The following NCAM1 variants were observed in gnomAD, a reference collection of about 807,000 sequenced individuals.
The protein encoded by NCAM1 is neural cell adhesion molecule 1.
NCAM1 carries 14 observed loss-of-function variants against 109.8 expected under a neutral mutation model. That is an observed-to-expected ratio of 0.13 (90% CI 0.08 to 0.20). The LOEUF (loss-of-function observed/expected upper bound fraction) is 0.20, where lower values mean the gene tolerates loss of function less well. Ranked by LOEUF, NCAM1 falls within the 10% of genes least tolerant of loss-of-function variation. The probability of loss-of-function intolerance (pLI) is 1.00; values close to 1 mark genes in which losing one functional copy is unlikely to be tolerated. For synonymous variants in NCAM1, 418 were observed against 442.9 expected (o/e 0.94, Z 0.70); for missense variants, 774 against 1,109.9 (o/e 0.70, Z 4.30).
At chr11:113,148,566 G>A (rs1474635309) in intron 1 of NCAM1, among the ~76,000 whole-genome samples, 2 of 151,974 alleles carry the variant, frequency 1.3e-5, no homozygotes, top group Non-Finnish European at 2.9e-5. Flanking sequence ...TGAGGAAGTG[G>A]GCATTCATCC....
At chr11:113,105,514 A>T (rs1311593429) in intron 1 of NCAM1, among the ~76,000 whole-genome samples, 2 of 152,248 alleles carry the variant, frequency 1.3e-5, no homozygotes, top group African/African-American at 4.8e-5. Context: ...AATCAAACAA[A>T]TGTTCATCAA....
chr11:112,996,265 A>G (rs1294278793), intron 1 of NCAM1, among the ~76,000 whole-genome samples: 2 of 152,212 alleles, frequency 1.3e-5, no homozygotes, highest in African/African-American at 2.4e-5. Context: ...TAACATAGGC[A>G]CTGTCTTCTA....
intron 1 of NCAM1, among the ~76,000 whole-genome samples, chr11:113,048,156 C>T (rs529060234): frequency 6.6e-6 from 1 of 152,130 alleles, no homozygotes; most frequent in Admixed American, 6.5e-5. Flanking sequence ...CCTGTTTTTT[C>T]CTGAGAAAAG....
chr11:113,047,144 C>T (rs1953299071), intron 1 of NCAM1, among the ~76,000 whole-genome samples: 1 of 152,188 alleles, frequency 6.6e-6, no homozygotes, highest in Non-Finnish European at 1.5e-5. Context: ...GCTGGTAATA[C>T]AGGAGCTAAC....
chr11:113,212,498 C>T (rs1277021952), intron 7 of NCAM1, among the ~76,000 whole-genome samples: 1 of 152,116 alleles, frequency 6.6e-6, no homozygotes, highest in African/African-American at 2.4e-5. Flanking sequence ...GACAAAGTAC[C>T]GCAGGTCAGG....
At chr11:113,089,100 G>A (rs1939223537) in intron 1 of NCAM1, among the ~76,000 whole-genome samples, 1 of 152,142 alleles carries the variant, frequency 6.6e-6, no homozygotes, top group South Asian at 2.1e-4. Flanking sequence ...AGATCACAAG[G>A]TCAAAAGTTT....
intron 1 of NCAM1, among the ~76,000 whole-genome samples, chr11:113,140,201 C>T (rs1191357415): frequency 6.6e-6 from 1 of 152,164 alleles, no homozygotes; most frequent in Non-Finnish European, 1.5e-5. Context: ...AATTTTGCTC[C>T]TCATATCATC....
At chr11:113,240,943 G>A (rs2303378) in intron 14 of NCAM1, 288,173 of 1,162,766 alleles carry the variant, frequency 0.25, 37,597 homozygotes, top group Middle Eastern at 0.3. Context: ...CTCAGTTGGT[G>A]GAAAGCAGCG....
intron 14 of NCAM1, chr11:113,235,411 T>TAACA (rs1392084708): frequency 1.2e-6 from 1 of 816,646 alleles, no homozygotes; most frequent in East Asian, 2.8e-5. Flanking sequence ...CTTGTTAGAA[T>TAACA]AACAGTGAAG....
chr11:113,198,405 T>C (rs1182398667), intron 1 of NCAM1, among the ~76,000 whole-genome samples: 18 of 151,520 alleles, frequency 1.2e-4, no homozygotes, highest in Admixed American at 1.2e-3. Flanking sequence ...GGAGTCTTGC[T>C]CTGTCGCCCA....
intron 8 of NCAM1, among the ~76,000 whole-genome samples, chr11:113,218,256 G>C (rs1313381194): frequency 1.3e-5 from 2 of 152,096 alleles, no homozygotes; most frequent in Admixed American, 1.3e-4. Context: ...CTAGAACAAG[G>C]TCAAGTACAA....
intron 1 of NCAM1, among the ~76,000 whole-genome samples, chr11:113,083,768 G>A (rs1381994366): frequency 6.6e-6 from 1 of 152,124 alleles, no homozygotes; most frequent in African/African-American, 2.4e-5. Context: ...ATGTAGTGCT[G>A]GTGGCCCCAG....
intron 1 of NCAM1, among the ~76,000 whole-genome samples, chr11:113,141,833 C>T (rs558761652): frequency 6.6e-6 from 1 of 152,136 alleles, no homozygotes; most frequent in East Asian, 1.9e-4. Flanking sequence ...TTTTTGTCAT[C>T]CATATTTTGA....
chr11:113,009,311 G>GTT (rs1951971763), intron 1 of NCAM1, among the ~76,000 whole-genome samples: 2 of 90,336 alleles, frequency 2.2e-5, no homozygotes, highest in Admixed American at 1.2e-4. Context: ...GGTTTTTTCG[G>GTT]GTTTTTTTTT....
In NCAM1 at chr11:113,273,669, G is replaced by A. The variant is rs530799475; in HGVS notation, c.2457-1598G>A. 9.0e-5 allele frequency: 41 copies of A among 456,140 alleles called. No individual in the cohort carries two copies. The highest frequency in any genetic ancestry group is 6.2e-4 in the African/African-American group (31 of 50,194). 28.3% of individuals were successfully genotyped at this position (456,140 alleles called of 1,614,324 possible). The stretch of plus-strand genomic sequence containing the variant: ...AGCCCTGGGCTCTCCTGCTCCCGCC[G>A]CTGGGGCCAGTGGACAAGCCCCTGA... On this transcript the variant is annotated intron_variant, in intron 19 of 19. Coordinates refer to ENST00000316851, the MANE Select transcript of NCAM1 (RefSeq NM_181351.5). The surrounding 1 kb of genome is among the most constrained non-coding windows in gnomAD (Gnocchi z 6.0).
At chr11:113,169,609 C>T (rs1308792805) in intron 1 of NCAM1, among the ~76,000 whole-genome samples, 1 of 142,978 alleles carries the variant, frequency 7.0e-6, no homozygotes, top group East Asian at 2.1e-4. Context: ...GGATGGGAGA[C>T]TTTTCAGAGT....
At chr11:113,134,241 C>G (rs1941516282) in intron 1 of NCAM1, among the ~76,000 whole-genome samples, 2 of 152,152 alleles carry the variant, frequency 1.3e-5, no homozygotes, top group African/African-American at 4.8e-5. Flanking sequence ...TAGTATTTGT[C>G]TTTTTATGAC....
intron 1 of NCAM1, among the ~76,000 whole-genome samples, chr11:112,991,680 A>G (rs1951460714): frequency 6.6e-6 from 1 of 152,162 alleles, no homozygotes; most frequent in Admixed American, 6.5e-5. Flanking sequence ...CCGAATTTTA[A>G]ATTTTACTCT....
At chr11:112,979,052 T>C (rs1951080519) in intron 1 of NCAM1, among the ~76,000 whole-genome samples, 1 of 151,856 alleles carries the variant, frequency 6.6e-6, no homozygotes, top group African/African-American at 2.4e-5. Flanking sequence ...TTCGATTTTA[T>C]TTGAATTGCT....
Sources: gnomAD v4.1 joint callset for allele counts (sites outside exome capture counted in the v4.1 genomes callset) on GRCh38, gnomAD v4.1.1 for gene constraint, Gnocchi (gnomAD v3.1) non-coding constraint, MANE v1.5 for transcripts, NCBI Gene and HGNC (gene_info 2026-07-23, HGNC 2026-07-21) for gene names.